FRMD4A: variants seen among roughly 807,000 people sequenced by gnomAD.
FRMD4A encodes the protein FERM domain-containing protein 4A.
Under a neutral mutation model 129.1 loss-of-function variants are expected in FRMD4A, and 29 were observed. The ratio of observed to expected loss-of-function variants is 0.22; its 90% CI spans 0.17 to 0.31. The LOEUF (loss-of-function observed/expected upper bound fraction) is 0.31, where lower values mean the gene tolerates loss of function less well. Ranked by LOEUF, FRMD4A falls within the 10% of genes least tolerant of loss-of-function variation. The pLI is 1.00. For synonymous variants in FRMD4A, 634 were observed against 571.6 expected (o/e 1.11, Z -1.56); for missense variants, 1,272 against 1,375.8 (o/e 0.92, Z 1.19).
At chr10:14,177,396 C>T (rs945537568) in intron 2 of FRMD4A, among the ~76,000 whole-genome samples, 1 of 152,142 alleles carries the variant, frequency 6.6e-6, no homozygotes, top group African/African-American at 2.4e-5. Context: ...TGGTCTTGAA[C>T]ACCTGGCCAC....
At chr10:13,977,694 C>G (rs535522907) in intron 2 of FRMD4A, among the ~76,000 whole-genome samples, 16 of 152,186 alleles carry the variant, frequency 1.1e-4, no homozygotes, top group Non-Finnish European at 1.8e-4. Flanking sequence ...CTACTGGCAG[C>G]CTTTAGTCTC....
At chr10:13,718,010 C>G (rs866327357) in intron 12 of FRMD4A, among the ~76,000 whole-genome samples, 20 of 152,250 alleles carry the variant, frequency 1.3e-4, no homozygotes, top group Non-Finnish European at 2.4e-4. Flanking sequence ...GCAAGCAAAC[C>G]AGCAAGGGCT....
chr10:13,649,901 G>C lies in FRMD4A; in HGVS notation c.*2+2002C>G, dbSNP rs146319667. On this transcript the variant is annotated intron_variant, in intron 24 of 24. Coordinates refer to ENST00000357447, the MANE Select transcript of FRMD4A (RefSeq NM_018027.5). ...AAAAACCTAAGTCAGTCATTCACTG[G>C]AACATGAGCTGGGGCAGGATGAAGA... Among the ~76,000 whole-genome samples the C allele has an allele frequency of 1.1e-3, 168 of 152,328 alleles. 4 individuals are homozygous for C. The highest frequency in any genetic ancestry group is 3.9e-3 in the African/African-American group (163 of 41,566).
intron 2 of FRMD4A, among the ~76,000 whole-genome samples, chr10:14,244,441 C>T (rs749592668): frequency 5.3e-5 from 8 of 152,166 alleles, no homozygotes; most frequent in East Asian, 1.9e-4. Context: ...GCAATCTATG[C>T]GGATTACATT....
intron 2 of FRMD4A, among the ~76,000 whole-genome samples, chr10:14,317,827 A>G (rs1380114788): frequency 6.6e-6 from 1 of 152,048 alleles, no homozygotes; most frequent in African/African-American, 2.4e-5. Context: ...GGAGTCCAAA[A>G]AATAGTCACA....
intron 2 of FRMD4A, among the ~76,000 whole-genome samples, chr10:14,231,821 C>A (rs553550773): frequency 6.6e-6 from 1 of 152,040 alleles, no homozygotes. Context: ...TATAGATGCT[C>A]GATATTAGAC....
chr10:14,179,094 T>G (rs1397692069), intron 2 of FRMD4A, among the ~76,000 whole-genome samples: 1 of 152,200 alleles, frequency 6.6e-6, no homozygotes, highest in South Asian at 2.1e-4. Context: ...TAGGCCATGG[T>G]TGGAGGCTCA....
chr10:14,055,308 A>G (rs900337640), intron 2 of FRMD4A, among the ~76,000 whole-genome samples: 4 of 152,154 alleles, frequency 2.6e-5, no homozygotes, highest in African/African-American at 9.7e-5. Flanking sequence ...TGGTCTTTCC[A>G]GACGCAGTCT....
rs11361577 is a variant in FRMD4A, at chr10:13,811,571, CAA to C, written c.112-665_112-664del. 5.9e-3 allele frequency among the ~76,000 whole-genome samples: 798 copies of C among 136,244 alleles called. 5 individuals carry two copies. The highest frequency in any genetic ancestry group is 0.016 in the African/African-American group (590 of 37,040). 89.4% of individuals were successfully genotyped at this position (136,244 alleles called of 152,430 possible). On this transcript the variant is annotated intron_variant, in intron 3 of 24. Transcript: ENST00000357447. ...TGGGTGACAGAGTGAGACTCTGCCT[CAA>C]AAAAAAAAAAAAAGATATCTGCCAG... is the stretch of plus-strand genomic sequence containing the variant.
At chr10:13,948,394 C>T (rs2095347949) in intron 2 of FRMD4A, among the ~76,000 whole-genome samples, 1 of 151,844 alleles carries the variant, frequency 6.6e-6, no homozygotes, top group African/African-American at 2.4e-5. Flanking sequence ...TAGAATTCTG[C>T]CAAAGGTCTT....
intron 2 of FRMD4A, among the ~76,000 whole-genome samples, chr10:13,906,676 G>C (rs950369864): frequency 2.0e-5 from 3 of 152,106 alleles, no homozygotes; most frequent in Non-Finnish European, 4.4e-5. Flanking sequence ...GAGCTTTAAT[G>C]AGACCCCGGG....
At chr10:14,160,814 C>T (rs1159525927) in intron 2 of FRMD4A, among the ~76,000 whole-genome samples, 2 of 152,150 alleles carry the variant, frequency 1.3e-5, no homozygotes. Context: ...TCACAAGAAG[C>T]TATCATTTTA....
chr10:13,791,909 C>T (rs896917131), intron 5 of FRMD4A, among the ~76,000 whole-genome samples: 8 of 152,168 alleles, frequency 5.3e-5, no homozygotes, highest in Admixed American at 1.3e-4. Context: ...GAATACCTTC[C>T]GGCGGGTCTC....
chr10:13,875,260 A>C (rs2094477111), intron 2 of FRMD4A, among the ~76,000 whole-genome samples: 1 of 152,224 alleles, frequency 6.6e-6, no homozygotes, highest in Non-Finnish European at 1.5e-5. Flanking sequence ...GGAAATAGCC[A>C]CTGAGCACTG....
At chr10:14,005,875 G>A (rs1287311702) in intron 2 of FRMD4A, among the ~76,000 whole-genome samples, 2 of 152,192 alleles carry the variant, frequency 1.3e-5, no homozygotes, top group African/African-American at 2.4e-5. Context: ...GACTCGCAAT[G>A]GTAAAGCAGG....
At chr10:14,235,037 G>C (rs1843755793) in intron 2 of FRMD4A, among the ~76,000 whole-genome samples, 1 of 152,170 alleles carries the variant, frequency 6.6e-6, no homozygotes, top group Non-Finnish European at 1.5e-5. Context: ...AGAGGTGGAA[G>C]GGGTAGTTCC....
chr10:14,091,057 A>T (rs929831303), intron 2 of FRMD4A, among the ~76,000 whole-genome samples: 9 of 152,350 alleles, frequency 5.9e-5, no homozygotes, highest in African/African-American at 2.2e-4. Flanking sequence ...AAACATTAGA[A>T]TGACACCAGA....
At chr10:14,328,246 A>C (rs1367104748) in intron 2 of FRMD4A, among the ~76,000 whole-genome samples, 1 of 151,824 alleles carries the variant, frequency 6.6e-6, no homozygotes, top group East Asian at 1.9e-4. Context: ...AGTGCCAGGG[A>C]CAGATCTAAG....
At chr10:13,884,216 A>ACGCT (rs1554956601) in intron 2 of FRMD4A, among the ~76,000 whole-genome samples, 1 of 125,640 alleles carries the variant, frequency 8.0e-6, no homozygotes, top group Non-Finnish European at 1.8e-5. Flanking sequence ...ACTCACACAC[A>ACGCT]CACACACACA....
Sources: allele counts gnomAD v4.1 joint callset (sites outside exome capture counted in the v4.1 genomes callset), GRCh38; gene constraint gnomAD v4.1.1; transcripts MANE v1.5; gene names NCBI Gene and HGNC (gene_info 2026-07-23, HGNC 2026-07-21).